Variants in ASXL2 observed in about 807,000 individuals in gnomAD.
ASXL2 encodes the protein putative Polycomb group protein ASXL2.
Under a neutral mutation model 122.0 loss-of-function variants are expected in ASXL2, and 23 were observed. That is an observed-to-expected ratio of 0.19 (90% CI 0.14 to 0.27). The LOEUF (loss-of-function observed/expected upper bound fraction) is 0.27. ASXL2 is among the 10% of genes least tolerant of loss of function. The probability of loss-of-function intolerance (pLI) is 1.00; values close to 1 mark genes in which losing one functional copy is unlikely to be tolerated. For missense variants in ASXL2, 1,518 were observed against 1,713.8 expected (o/e 0.89, Z 2.02); for synonymous variants, 650 against 637.0 (o/e 1.02, Z -0.31).
intron 5 of ASXL2, among the ~76,000 whole-genome samples, chr2:25,789,294 C>T (rs2088794624): frequency 6.7e-6 from 1 of 149,904 alleles, no homozygotes; most frequent in South Asian, 2.1e-4. Context: ...TTTCTACACA[C>T]CAGAAGGTGA....
At chr2:25,777,002 A>C (rs2088556900) in intron 5 of ASXL2, among the ~76,000 whole-genome samples, 3 of 152,228 alleles carry the variant, frequency 2.0e-5, no homozygotes, top group Non-Finnish European at 4.4e-5. Flanking sequence ...TGAAAATTAC[A>C]GGACCCACCA....
intron 2 of ASXL2, among the ~76,000 whole-genome samples, chr2:25,844,680 C>T (rs1315794373): frequency 8.6e-5 from 13 of 150,810 alleles, no homozygotes; most frequent in African/African-American, 2.7e-4. Flanking sequence ...CAGCTTCTTG[C>T]TCTGTCACCA....
chr2:25,845,626 ATT>A (rs2089640467), intron 1 of ASXL2, 63 bp from the exon 2 acceptor site: 1 of 727,122 alleles, frequency 1.4e-6, no homozygotes, highest in Non-Finnish European at 1.9e-6. Flanking sequence ...TTCTATATAT[ATT>A]TCTTATAATT....
At chr2:25,831,571 T>C (rs1312207119) in intron 3 of ASXL2, among the ~76,000 whole-genome samples, 2 of 152,042 alleles carry the variant, frequency 1.3e-5, no homozygotes, top group Non-Finnish European at 2.9e-5. Flanking sequence ...GGAGGATTGC[T>C]TGAGCCCAGG....
chr2:25,742,291 T>C lies in ASXL2; in HGVS notation c.4046A>G (p.Gln1349Arg), dbSNP rs373784825. 1.2e-5 allele frequency: 20 copies of C among 1,613,826 alleles called. No individual in the cohort carries two copies. Among genetic ancestry groups the C allele is most frequent in the Non-Finnish European group, 1.7e-5 (20 of 1,179,884 alleles). ...GACATCACCTACATTGCTAGATACC[T>C]GGCTACCTGGTACAGCAGAGTTATG... ...MDHNSAVPGS[Q>R]VSSNVGDVMS... The change falls in exon 13 of 13, where the codon CAG (glutamine) becomes CGG (arginine). Residue 1349 changes from glutamine (Q) to arginine (R), a missense_variant. By Grantham distance (43) the Gln-to-Arg change is conservative. This residue lies in a region of ASXL2 where 831 missense variants were observed against 833.1 expected (regional missense o/e 1.00). Coordinates refer to ENST00000435504, the MANE Select transcript of ASXL2 (RefSeq NM_018263.6).
chr2:25,816,024 T>C (rs1372866096), intron 3 of ASXL2, among the ~76,000 whole-genome samples: 3 of 152,150 alleles, frequency 2.0e-5, no homozygotes, highest in African/African-American at 4.8e-5. Context: ...ATGTAAGAGG[T>C]AAGATGCTAC....
chr2:25,826,637 T>C (rs1233560328), intron 3 of ASXL2, among the ~76,000 whole-genome samples: 1 of 152,166 alleles, frequency 6.6e-6, no homozygotes, highest in Non-Finnish European at 1.5e-5. Context: ...TTGTCAAAAC[T>C]TGGCCTTAAG....
At chr2:25,838,866 ACATC>A (rs2089545521) in intron 2 of ASXL2, among the ~76,000 whole-genome samples, 1 of 152,234 alleles carries the variant, frequency 6.6e-6, no homozygotes, top group African/African-American at 2.4e-5. Flanking sequence ...AAAAATGGAC[ACATC>A]TCTCTGAATC....
chr2:25,742,033 C>G lies in ASXL2; in HGVS notation c.4304G>C (p.Arg1435Pro), dbSNP rs542810776. ...SKLCVSCLVV[R>P] ...GTGTATCTCTTTCTAGTCTCATTAC[C>G]GAACGACAAGGCAGGAGACGCACAG... The change falls in exon 13 of 13, where the codon CGG (arginine) becomes CCG (proline). Residue 1435 changes from arginine (R) to proline (P), a missense_variant. Physicochemically the swap from Arg to Pro is moderately radical, Grantham distance 103 (BLOSUM62 -2). Coordinates refer to ENST00000435504, the MANE Select transcript of ASXL2 (RefSeq NM_018263.6). The G allele has an allele frequency of 6.2e-7, 1 of 1,610,462 alleles. No homozygotes were observed. The highest frequency in any genetic ancestry group is 8.5e-7 in the Non-Finnish European group (1 of 1,177,650).
intron 3 of ASXL2, among the ~76,000 whole-genome samples, chr2:25,818,453 G>A (rs530744835): frequency 1.3e-5 from 2 of 152,366 alleles, no homozygotes; most frequent in South Asian, 4.1e-4. Context: ...AGAGGTTGCA[G>A]TAAGCCGAGA....
intron 5 of ASXL2, among the ~76,000 whole-genome samples, chr2:25,792,280 G>A (rs765461536): frequency 5.9e-5 from 9 of 152,204 alleles, no homozygotes; most frequent in Non-Finnish European, 1.2e-4. Flanking sequence ...GGGATTATAG[G>A]TGTGAGCCAC....
chr2:25,868,721 A>G (rs1172593144), intron 1 of ASXL2, among the ~76,000 whole-genome samples: 1 of 152,180 alleles, frequency 6.6e-6, no homozygotes, highest in Non-Finnish European at 1.5e-5. Flanking sequence ...CTTTATGCAA[A>G]TCATCCTCTC....
chr2:25,848,124 G>A (rs965755562), intron 1 of ASXL2, among the ~76,000 whole-genome samples: 1 of 152,096 alleles, frequency 6.6e-6, no homozygotes, highest in Admixed American at 6.6e-5. Flanking sequence ...TATTTCTAGA[G>A]TGTCATTTCT....
At position 25,735,396 on chromosome 2, in the gene ASXL2, G is replaced by T. The variant is rs2087720366; in HGVS notation, c.*6633C>A. On this transcript the variant is annotated 3_prime_UTR_variant, in exon 13 of 13. Transcript: ENST00000435504. Reference sequence around the variant, plus strand: ...TAAAAAGCGCTAGAGTCCTGCTGAAGCCCTTTTTAATTCAAGTTGTGACTC... The same window carrying T: ...TAAAAAGCGCTAGAGTCCTGCTGAATCCCTTTTTAATTCAAGTTGTGACTC... 6.6e-6 allele frequency: 1 copy of T among 152,162 alleles called. No homozygotes were observed. Among genetic ancestry groups the T allele is most frequent in the African/African-American group, 2.4e-5 (1 of 41,420 alleles). 9.4% of individuals were successfully genotyped at this position (152,162 alleles called of 1,614,324 possible).
Position 25,878,392 on chromosome 2 carries a change from G to T in ASXL2, c.-170C>A, listed in dbSNP as rs1383396831. On this transcript the variant is annotated 5_prime_UTR_variant, in exon 1 of 13. Coordinates refer to ENST00000435504, the MANE Select transcript of ASXL2 (RefSeq NM_018263.6). ...AAGCGGCGGGGGTGGTGCGCGGGGG[G>T]GTCTATGGGGCGGCCGGTCCTCTTG... is the stretch of plus-strand genomic sequence containing the variant. The T allele has an allele frequency of 4.9e-6, 3 of 617,192 alleles. No individual in the cohort carries two copies. Among genetic ancestry groups the T allele is most frequent in the South Asian group, 1.9e-5 (1 of 51,548 alleles). 38.2% of individuals were successfully genotyped at this position (617,192 alleles called of 1,614,324 possible).
chr2:25,796,381 A>G (rs1247953164), intron 5 of ASXL2, among the ~76,000 whole-genome samples: 1 of 152,212 alleles, frequency 6.6e-6, no homozygotes, highest in Non-Finnish European at 1.5e-5. Context: ...TTGTAAAGGA[A>G]TCATCAAGAG....
intron 5 of ASXL2, among the ~76,000 whole-genome samples, chr2:25,778,512 G>T (rs747606183): frequency 2.6e-5 from 4 of 152,196 alleles, no homozygotes; most frequent in Non-Finnish European, 4.4e-5. Flanking sequence ...CGCTCACTGT[G>T]TGATAACCTG....
chr2:25,827,448 T>C (rs1029119617), intron 3 of ASXL2, among the ~76,000 whole-genome samples: 1 of 152,160 alleles, frequency 6.6e-6, no homozygotes, highest in Admixed American at 6.5e-5. Flanking sequence ...GATTTTAGAT[T>C]TAAATTTAAA....
At chr2:25,753,301 T>C (rs1444657879) in intron 11 of ASXL2, among the ~76,000 whole-genome samples, 1 of 151,508 alleles carries the variant, frequency 6.6e-6, no homozygotes, top group Non-Finnish European at 1.5e-5. Context: ...TCACCTACAA[T>C]GACAGTTTTA....
Sources: allele counts gnomAD v4.1 joint callset (sites outside exome capture counted in the v4.1 genomes callset), GRCh38; gene constraint gnomAD v4.1.1; regional missense constraint gnomAD v4.1.1; transcripts MANE v1.5; gene names NCBI Gene and HGNC (gene_info 2026-07-23, HGNC 2026-07-21).